UGT2B10: variants seen among roughly 807,000 people sequenced by gnomAD.
UGT2B10 encodes the protein UDP-glucuronosyltransferase 2B10.
UGT2B10 carries 51 observed loss-of-function variants against 43.7 expected under a neutral mutation model. The observed-to-expected ratio is 1.17, with a 90% CI of 0.93 to 1.47. The LOEUF (loss-of-function observed/expected upper bound fraction) is 1.47. UGT2B10 is among the 40% of genes most tolerant of loss of function. The pLI, the probability that UGT2B10 is intolerant of heterozygous loss-of-function variation, is 0.00. For synonymous variants in UGT2B10, 225 were observed against 209.0 expected (o/e 1.08, Z -0.66); for missense variants, 696 against 617.7 (o/e 1.13, Z -1.34).
Position 68,818,101 on chromosome 4 carries a change from A to T in UGT2B10, c.791A>T (p.Lys264Ile). 6.2e-7 allele frequency: 1 copy of T among 1,612,054 alleles called. No individual in the cohort carries two copies. Among genetic ancestry groups the T allele is most frequent in the Non-Finnish European group, 8.5e-7 (1 of 1,178,650 alleles). The change falls in exon 2 of 6, where the codon AAA becomes ATA. Residue 264 changes from lysine (K) to isoleucine (I), a missense_variant. Coordinates refer to ENST00000265403, the MANE Select transcript of UGT2B10 (RefSeq NM_001075.6). The part of the protein sequence containing the change: ...IWLMRNSWNF[K>I]FPHPFLPNVD... Reference sequence around the variant, plus strand: ...CTTATGCGAAACTCCTGGAATTTTAAATTTCCTCATCCATTCTTACCAAAT... The same window carrying T: ...CTTATGCGAAACTCCTGGAATTTTATATTTCCTCATCCATTCTTACCAAAT...
Position 68,821,525 on chromosome 4 carries a change from A to G in UGT2B10, c.868-746A>G, listed in dbSNP as rs147398940. On this transcript the variant is annotated intron_variant, in intron 2 of 5. Coordinates refer to ENST00000265403, the MANE Select transcript of UGT2B10 (RefSeq NM_001075.6). ...TGCTCCACCTAAACAATAACCTGAA[A>G]GGTACAATTATTCAACTACTAACTA... 2.3e-4 allele frequency among the ~76,000 whole-genome samples: 35 copies of G among 152,322 alleles called. 1 individual carries two copies. The highest frequency in any genetic ancestry group is 8.2e-4 in the African/African-American group (34 of 41,596).
At chr4:68,826,227 C>T (rs1737766621) in intron 3 of UGT2B10, among the ~76,000 whole-genome samples, 183 bp from the exon 4 acceptor site, 1 of 151,984 alleles carries the variant, frequency 6.6e-6, no homozygotes, top group Non-Finnish European at 1.5e-5. Flanking sequence ...ATAATGGTTT[C>T]TTATATACCT....
intron 3 of UGT2B10, among the ~76,000 whole-genome samples, chr4:68,823,121 A>G (rs1406044124): frequency 2.0e-5 from 3 of 152,172 alleles, no homozygotes; most frequent in Non-Finnish European, 4.4e-5. Context: ...GTGGTAGTAT[A>G]GCATGATTGA....
intron 3 of UGT2B10, among the ~76,000 whole-genome samples, chr4:68,824,645 G>C (rs13111730): frequency 5.3e-4 from 81 of 152,228 alleles, no homozygotes; most frequent in African/African-American, 1.7e-3. Flanking sequence ...CTTTAACAGT[G>C]ATGTAGCAAA....
At chr4:68,828,279 T>C (rs1737902185) in intron 5 of UGT2B10, among the ~76,000 whole-genome samples, 1 of 151,982 alleles carries the variant, frequency 6.6e-6, no homozygotes, top group Admixed American at 6.6e-5. Flanking sequence ...TTATGGTTTT[T>C]AGTTTAATTC....
Position 68,816,203 on chromosome 4 carries a change from C to A in UGT2B10, c.184C>A (p.Leu62Ile), listed in dbSNP as rs200957276. ...VTVLASSASI[L>I]FDPNDSSTLK... ...TGTACTGGCATCTTCAGCTTCCATTCTTTTTGATCCCAACGACTCATCCAC... is the reference window on the plus strand; with the variant it reads ...TGTACTGGCATCTTCAGCTTCCATTATTTTTGATCCCAACGACTCATCCAC... The change falls in exon 1 of 6, where the codon CTT becomes ATT. Residue 62 changes from leucine to isoleucine, a missense_variant. Physicochemically the swap from Leu to Ile is conservative, Grantham distance 5. Transcript: ENST00000265403. 247 of 1,613,096 alleles carry A rather than the reference C, an allele frequency of 1.5e-4. No individual in the cohort carries two copies. The highest frequency in any genetic ancestry group is 2.0e-4 in the Non-Finnish European group (241 of 1,179,422).
At chr4:68,823,428 A>G (rs536900283) in intron 3 of UGT2B10, among the ~76,000 whole-genome samples, 1 of 152,188 alleles carries the variant, frequency 6.6e-6, no homozygotes, top group East Asian at 1.9e-4. Flanking sequence ...AATCCCTTGA[A>G]CCAAGGAGGC....
intron 2 of UGT2B10, among the ~76,000 whole-genome samples, chr4:68,821,166 A>T (rs1455326628): frequency 6.6e-6 from 1 of 152,168 alleles, no homozygotes. Flanking sequence ...ACTTAGACAC[A>T]TTTTTTCTAT....
At position 68,830,789 on chromosome 4, in the gene UGT2B10, T is replaced by C; in HGVS notation, c.1497T>C (p.Cys499=). The change falls in exon 6 of 6, where the codon TGT becomes TGC. Residue 499 remains cysteine, a synonymous_variant. Transcript: ENST00000265403. Reference sequence around the variant, plus strand: ...ATGTGATTGGGTTCCTGCTGGCTTGTGTGGCAACCGTGCTATTTATCATCA... The same window carrying C: ...ATGTGATTGGGTTCCTGCTGGCTTGCGTGGCAACCGTGCTATTTATCATCA... ...SLDVIGFLLA[C]VATVLFIITK... The C allele has an allele frequency of 1.2e-6, 2 of 1,613,370 alleles. No individual in the cohort carries two copies. The highest frequency in any genetic ancestry group is 1.7e-6 in the Non-Finnish European group (2 of 1,179,544).
At position 68,820,566 on chromosome 4, in the gene UGT2B10, T is replaced by G. The variant is rs552886003; in HGVS notation, c.868-1705T>G. 5.9e-5 allele frequency among the ~76,000 whole-genome samples: 9 copies of G among 152,106 alleles called. No homozygotes were observed. The East Asian group carries it at 1.5e-3, about 26-fold the overall frequency. On this transcript the variant is annotated intron_variant, in intron 2 of 5. Coordinates refer to ENST00000265403, the MANE Select transcript of UGT2B10 (RefSeq NM_001075.6). ...TATGCCTACAATAGCACTAAAATGA[T>G]TTTATCAATGAAATGTTCAATTATG...
At chr4:68,826,366 T>C (rs1737774482) in intron 3 of UGT2B10, 44 bp from the exon 4 acceptor site, 3 of 1,579,016 alleles carry the variant, frequency 1.9e-6, no homozygotes, top group African/African-American at 1.4e-5. Context: ...TTTATAACTT[T>C]TGAGTTCCAC....
rs1738057646 is a variant in UGT2B10, at chr4:68,830,810, C to T, written c.1518C>T (p.Ile506=). Residue 506 remains isoleucine, a synonymous_variant, in exon 6 of 6, where the codon ATC becomes ATT. Coordinates refer to ENST00000265403, the MANE Select transcript of UGT2B10 (RefSeq NM_001075.6). ...CTTGTGTGGCAACCGTGCTATTTAT[C>T]ATCACAAAGTGTTGTCTGTTTTGTT... ...LLACVATVLF[I]ITKCCLFCFW... 1.2e-6 allele frequency: 2 copies of T among 1,613,070 alleles called. No homozygotes were observed. The highest frequency in any genetic ancestry group is 1.7e-6 in the Non-Finnish European group (2 of 1,179,502).
intron 2 of UGT2B10, among the ~76,000 whole-genome samples, chr4:68,819,102 A>G (rs901974049): frequency 6.6e-6 from 1 of 152,006 alleles, no homozygotes; most frequent in African/African-American, 2.4e-5. Context: ...TTACAAAAAT[A>G]GTGCCAACTT....
At chr4:68,828,461 A>G (rs1190117989) in intron 5 of UGT2B10, among the ~76,000 whole-genome samples, 1 of 152,012 alleles carries the variant, frequency 6.6e-6, no homozygotes, top group African/African-American at 2.4e-5. Context: ...ATAGAAGGAT[A>G]AAGAATGATC....
At chr4:68,818,919 A>G (rs1010426439) in intron 2 of UGT2B10, among the ~76,000 whole-genome samples, 33 of 151,948 alleles carry the variant, frequency 2.2e-4, no homozygotes, top group Non-Finnish European at 4.3e-4. Context: ...TTCAGAAATA[A>G]GGATATATGA....
At chr4:68,827,844 A>G (rs1437332068) in intron 5 of UGT2B10, among the ~76,000 whole-genome samples, 4 of 151,954 alleles carry the variant, frequency 2.6e-5, no homozygotes, top group Non-Finnish European at 5.9e-5. Flanking sequence ...AATCCATAGT[A>G]GAAAGGAAGA....
intron 3 of UGT2B10, among the ~76,000 whole-genome samples, chr4:68,822,749 T>G (rs1578268098): frequency 6.6e-6 from 1 of 152,298 alleles, no homozygotes; most frequent in East Asian, 1.9e-4. Flanking sequence ...TAACTCAATA[T>G]ATTTCAGTTA....
chr4:68,826,494 C>G lies in UGT2B10; in HGVS notation c.1084C>G (p.Leu362Val), dbSNP rs1737787575. The G allele has an allele frequency of 1.2e-5, 20 of 1,611,482 alleles. No homozygotes were observed. The highest frequency in any genetic ancestry group is 1.7e-5 in the Admixed American group (1 of 59,730). Residue 362 changes from leucine (L) to valine (V), a missense_variant, in exon 4 of 6, where the codon CTA (leucine) becomes GTA (valine). Leu to Val is a conservative substitution (Grantham distance 32). Coordinates refer to ENST00000265403, the MANE Select transcript of UGT2B10 (RefSeq NM_001075.6). ...CAAGTGGATACCCCAGAATGACCTT[C>G]TAGGTAACACTCTGGTGAACAATAC... ...LYKWIPQNDL[L>V]GHPKTRAFIT...
rs1209377301 is a variant in UGT2B10 at position 68,827,519 on chromosome 4, T to G, written c.1278T>G (p.Asn426Lys). ...CAATGTCGAGTACAGACCTGCTGAA[T>G]GCACTGAAGACAGTAATTAATGATC... is the stretch of plus-strand genomic sequence containing the variant. The part of the protein sequence containing the change: ...FNTMSSTDLL[N>K]ALKTVINDPS... Residue 426 changes from asparagine (N) to lysine (K), a missense_variant, in exon 5 of 6, where the codon AAT becomes AAG. Asn to Lys is a moderately conservative substitution (Grantham distance 94). Coordinates refer to ENST00000265403, the MANE Select transcript of UGT2B10 (RefSeq NM_001075.6). The G allele has an allele frequency of 6.2e-7, 1 of 1,613,274 alleles. No homozygotes were observed.
Sources: gnomAD v4.1 joint callset for allele counts (sites outside exome capture counted in the v4.1 genomes callset) on GRCh38, gnomAD v4.1.1 for gene constraint, MANE v1.5 for transcripts, NCBI Gene and HGNC (gene_info 2026-07-23, HGNC 2026-07-21) for gene names.